The following TNS1 variants were observed in gnomAD, a reference collection of about 807,000 sequenced individuals.
TNS1 encodes tensin 1, also known as tensin-1.
TNS1 carries 62 observed loss-of-function variants against 168.6 expected under a neutral mutation model. The ratio of observed to expected loss-of-function variants is 0.37; its 90% CI spans 0.30 to 0.45. TNS1 has a LOEUF of 0.45. TNS1 is among the 20% of genes least tolerant of loss of function. The pLI is 1.00. For missense variants in TNS1, 2,240 were observed against 2,339.4 expected (o/e 0.96, Z 0.88); for synonymous variants, 934 against 933.2 (o/e 1.00, Z -0.02).
chr2:217,814,384 A>G (rs1233577005), intron 25 of TNS1, among the ~76,000 whole-genome samples: 1 of 152,174 alleles, frequency 6.6e-6, no homozygotes, highest in Non-Finnish European at 1.5e-5. Context: ...AGCCTCTGCT[A>G]CAACTACTCC....
chr2:217,841,003 G>T (rs1430217865), intron 19 of TNS1, among the ~76,000 whole-genome samples: 1 of 152,166 alleles, frequency 6.6e-6, no homozygotes, highest in East Asian at 1.9e-4. Context: ...AGGATAGTGA[G>T]AAATGGGGAA....
chr2:217,813,432 A>G lies in TNS1; in HGVS notation c.4862-125T>C, dbSNP rs963694421. The stretch of plus-strand genomic sequence containing the variant: ...GATGGGAGAAATGACTGAAGAGAGA[A>G]CGTGGCTGGAGCCCCATGGACTGCA... On this transcript the variant is annotated intron_variant, in intron 26 of 32. Coordinates refer to ENST00000682258, the MANE Select transcript of TNS1 (RefSeq NM_001387777.1). The surrounding 1 kb of genome is among the most constrained non-coding windows in gnomAD (Gnocchi z 4.0). 6 of 957,692 alleles carry G rather than the reference A, an allele frequency of 6.3e-6. No individual in the cohort carries two copies. The highest frequency in any genetic ancestry group is 8.0e-6 in the Non-Finnish European group (5 of 626,426). The allele number at this position is 957,692 out of a possible 1,614,324, so 59.3% of individuals were successfully genotyped here.
At chr2:218,010,809 T>A (rs1208487255), upstream of TNS1, among the ~76,000 whole-genome samples, 1 of 152,156 alleles carries the variant, frequency 6.6e-6, no homozygotes, top group Non-Finnish European at 1.5e-5. Flanking sequence ...CCCCAGGGCA[T>A]AATGTAATTA....
At position 217,804,288 on chromosome 2, in the gene TNS1, C is replaced by CT. The variant is rs753222050; in HGVS notation, c.*170dup. On this transcript the variant is annotated 3_prime_UTR_variant, in exon 33 of 33. Coordinates refer to ENST00000682258, the MANE Select transcript of TNS1 (RefSeq NM_001387777.1). The stretch of plus-strand genomic sequence containing the variant: ...TCTCTCTCTCTCTCTCTCTCTCTCT[C>CT]TTTTCCCCCTCCCCTCTGCAATTCA... 17 of 682,120 alleles carry CT rather than the reference C, an allele frequency of 2.5e-5. No individual in the cohort carries two copies. Among genetic ancestry groups the CT allele is most frequent in the Non-Finnish European group, 3.6e-5 (15 of 414,052 alleles). The allele number at this position is 682,120 out of a possible 1,614,324, so 42.3% of individuals were successfully genotyped here.
At chr2:217,982,400 C>CT (rs59697675) in intron 2 of TNS1, among the ~76,000 whole-genome samples, 3,843 of 136,058 alleles carry the variant, frequency 0.028, 176 homozygotes, top group African/African-American at 0.091. Context: ...TTCTTCTTTT[C>CT]TTTTTTTTTT....
chr2:217,955,261 A>G (rs2125987295), intron 3 of TNS1, among the ~76,000 whole-genome samples: 1 of 152,312 alleles, frequency 6.6e-6, no homozygotes, highest in African/African-American at 2.4e-5. Context: ...TGGCACCACC[A>G]ACACAGGTGC....
At chr2:218,017,707 C>T (rs1574482373) in intron 1 of TNS1, among the ~76,000 whole-genome samples, 1 of 152,266 alleles carries the variant, frequency 6.6e-6, no homozygotes, top group East Asian at 1.9e-4. Context: ...AAAATGGAGA[C>T]TAGGTTCCTA....
At chr2:217,938,446 G>T (rs1956743398) in intron 3 of TNS1, among the ~76,000 whole-genome samples, 1 of 152,254 alleles carries the variant, frequency 6.6e-6, no homozygotes, top group Non-Finnish European at 1.5e-5. Flanking sequence ...TGGCATGCAG[G>T]AAGAGTGGAC....
At chr2:217,897,467 G>A (rs116990415) in intron 8 of TNS1, among the ~76,000 whole-genome samples, 4 of 152,206 alleles carry the variant, frequency 2.6e-5, no homozygotes, top group South Asian at 4.1e-4. Flanking sequence ...GGTTAAGTGC[G>A]TGGAAAGCAG....
chr2:217,861,555 C>T (rs1948785582), intron 18 of TNS1, among the ~76,000 whole-genome samples: 1 of 152,212 alleles, frequency 6.6e-6, no homozygotes, highest in African/African-American at 2.4e-5. Context: ...TTCTCATTCT[C>T]ATCACTTCAG....
upstream of TNS1, among the ~76,000 whole-genome samples, chr2:218,005,186 G>A (rs1281533178): frequency 1.3e-5 from 2 of 152,232 alleles, no homozygotes; most frequent in African/African-American, 2.4e-5. Context: ...TGGCGTCACT[G>A]AAGACGCCTC....
chr2:217,886,135 C>T lies in TNS1; in HGVS notation c.980-31G>A, dbSNP rs1353916155. 10 of 1,612,180 alleles carry T rather than the reference C, an allele frequency of 6.2e-6. No homozygotes were observed. In the Admixed American group the frequency reaches 1.5e-4, roughly 24 times the overall value. On this transcript the variant is annotated intron_variant, in intron 13 of 32. Coordinates refer to ENST00000682258, the MANE Select transcript of TNS1 (RefSeq NM_001387777.1). ...AAAGTGGGGTGGGTGTTAGCTAAGA[C>T]AGCAGAAACTGGCAGGCAGGAGGGG... is the stretch of plus-strand genomic sequence containing the variant.
At chr2:217,857,050 C>A (rs1467189131) in intron 18 of TNS1, among the ~76,000 whole-genome samples, 1 of 152,170 alleles carries the variant, frequency 6.6e-6, no homozygotes. Context: ...CCAAGACCCA[C>A]ACGGAGCCCA....
chr2:217,839,069 C>CAT (rs759223456), intron 19 of TNS1, among the ~76,000 whole-genome samples: 2 of 149,400 alleles, frequency 1.3e-5, no homozygotes, highest in Admixed American at 6.7e-5. Flanking sequence ...CATGTACATA[C>CAT]ACACACACAC....
At chr2:217,994,078 C>G (rs986239883) in intron 1 of TNS1, among the ~76,000 whole-genome samples, 1 of 152,024 alleles carries the variant, frequency 6.6e-6, no homozygotes, top group African/African-American at 2.4e-5. Flanking sequence ...AGGGGTAGAT[C>G]CAGCCAGCCA....
chr2:217,881,007 C>T lies in TNS1; in HGVS notation c.1320G>A (p.Glu440=). Residue 440 remains glutamate, a synonymous_variant, in exon 18 of 33, where the codon GAG becomes GAA. Coordinates refer to ENST00000682258, the MANE Select transcript of TNS1 (RefSeq NM_001387777.1). ...SYGPEKIQGM[E]HLENGPSVSV... The stretch of plus-strand genomic sequence containing the variant: ...ACACGCTCGGCCCGTTCTCCAGGTG[C>T]TCCATGCCTAAGTGGGATGGGAAAG... 1 of 1,613,448 alleles carries T rather than the reference C, an allele frequency of 6.2e-7. No individual in the cohort carries two copies. Among genetic ancestry groups the T allele is most frequent in the Non-Finnish European group, 8.5e-7 (1 of 1,179,414 alleles).
At chr2:217,902,922 G>A (rs1189850089) in intron 6 of TNS1, among the ~76,000 whole-genome samples, 7 of 152,178 alleles carry the variant, frequency 4.6e-5, no homozygotes, top group South Asian at 2.1e-4. Context: ...ACGGTGACAC[G>A]TCTGAGTGTC....
intron 22 of TNS1, among the ~76,000 whole-genome samples, chr2:217,828,297 A>G (rs1395607241): frequency 6.6e-6 from 1 of 152,234 alleles, no homozygotes; most frequent in Non-Finnish European, 1.5e-5. Context: ...AGGAGAGGGC[A>G]AAGTCTTCTG....
chr2:217,969,450 AG>A (rs1248316169), intron 3 of TNS1, among the ~76,000 whole-genome samples: 1 of 152,244 alleles, frequency 6.6e-6, no homozygotes, highest in Non-Finnish European at 1.5e-5. Context: ...AAGCCACTAA[AG>A]AAAAAATAAA....
Sources: allele counts gnomAD v4.1 joint callset (sites outside exome capture counted in the v4.1 genomes callset), GRCh38; gene constraint gnomAD v4.1.1; non-coding constraint Gnocchi (gnomAD v3.1); transcripts MANE v1.5; gene names NCBI Gene and HGNC (gene_info 2026-07-23, HGNC 2026-07-21).